KLK8: variants seen among roughly 807,000 people sequenced by gnomAD.
KLK8 encodes the protein kallikrein-8.
Under a neutral mutation model 26.7 loss-of-function variants are expected in KLK8, and 18 were observed. The ratio of observed to expected loss-of-function variants is 0.67; its 90% CI spans 0.47 to 1.00. The LOEUF is 1.00. Among genes scored for constraint, KLK8 ranks in the 50% least tolerant of loss-of-function variants. The pLI, the probability that KLK8 is intolerant of heterozygous loss-of-function variation, is 0.00. For synonymous variants in KLK8, 137 were observed against 127.1 expected, an observed-to-expected ratio of 1.08 and a Z score of -0.52; for missense variants, 301 against 331.7, an observed-to-expected ratio of 0.91 and a Z score of 0.72.
intron 5 of KLK8, 89 bp downstream of exon 4, chr19:50,999,907 C>T (rs1051199708): frequency 2.8e-6 from 4 of 1,406,064 alleles, no homozygotes; most frequent in African/African-American, 2.9e-5. Flanking sequence ...CTTTGTCTCC[C>T]TCTGGGGGAC....
chr19:50,999,583 CAAA>C (rs56988162), intron 5 of KLK8, among the ~76,000 whole-genome samples: 5 of 30,290 alleles, frequency 1.7e-4, no homozygotes, highest in African/African-American at 3.4e-4. Context: ...TGTCCCCCTG[CAAA>C]AAAAAAAAAA....
chr19:51,000,502 A>G (rs1397431034), exon 4 of KLK8: 1 of 1,614,036 alleles, frequency 6.2e-7, no homozygotes, highest in Admixed American at 1.7e-5. Flanking sequence ...CTGGCCCTGG[A>G]ACAAGGCCGC....
chr19:50,997,673 C>T, intron 6 of KLK8, 78 bp downstream of exon 5: 12 of 1,544,116 alleles, frequency 7.8e-6, no homozygotes, highest in Non-Finnish European at 1.1e-5. Context: ...CCCTTACCAC[C>T]CCCACCCCCA....
At chr19:51,001,260 C>T (rs2091222958) in intron 2 of KLK8, 85 bp from the exon 2 acceptor site, 1 of 1,166,428 alleles carries the variant, frequency 8.6e-7, no homozygotes. Flanking sequence ...GGGAGGCAGC[C>T]GAGAGTATCT....
chr19:51,000,682 G>A lies in KLK8; in HGVS notation c.71-99C>T, dbSNP rs111771104. 147 of 1,565,700 alleles carry A rather than the reference G, an allele frequency of 9.4e-5. No individual in the cohort carries two copies. The highest frequency in any genetic ancestry group is 9.1e-4 in the African/African-American group (67 of 73,966). On this transcript the variant is annotated intron_variant, in intron 3 of 6. Transcript: ENST00000600767. ...CAAATGGACACACGGCAAGTTCTCC[G>A]CATACAACTTAGTGAGGAGGTCCAG...
At position 50,996,804 on chromosome 19, in the gene KLK8, G is replaced by A. The variant is rs578002456; in HGVS notation, c.628-590C>T. Among the ~76,000 whole-genome samples, 22 of 151,616 alleles carry A rather than the reference G, an allele frequency of 1.5e-4. No homozygotes were observed. In the South Asian group the frequency reaches 4.6e-3, roughly 32 times the overall value. On this transcript the variant is annotated intron_variant, in intron 6 of 6. Transcript: ENST00000600767. Reference sequence around the variant, plus strand: ...CAGTAGGGATTACTTGGAGAGGACTGAGCTGAAGTTTCCTCTGTTCCTGGC... The same window carrying A: ...CAGTAGGGATTACTTGGAGAGGACTAAGCTGAAGTTTCCTCTGTTCCTGGC...
chr19:50,998,479 C>A (rs777801137), intron 5 of KLK8, among the ~76,000 whole-genome samples: 1 of 152,118 alleles, frequency 6.6e-6, no homozygotes. Context: ...GTATATCCAG[C>A]GCCTGCAACA....
chr19:51,000,120 A>T, exon 5 of KLK8: 1 of 1,614,064 alleles, frequency 6.2e-7, no homozygotes, highest in South Asian at 1.1e-5. Flanking sequence ...GCAGTTGAAG[A>T]AGCATCAGAT....
intron 6 of KLK8, among the ~76,000 whole-genome samples, 167 bp from the exon 6 acceptor site, chr19:50,996,381 T>C (rs932878154): frequency 2.0e-5 from 3 of 152,134 alleles, no homozygotes; most frequent in Non-Finnish European, 4.4e-5. Flanking sequence ...GGGGCTTCCA[T>C]GTACAGACAG....
chr19:50,997,758 G>T lies in KLK8; in HGVS notation c.620C>A (p.Thr207Lys), dbSNP rs774076468. 3.7e-6 allele frequency: 6 copies of T among 1,613,738 alleles called. No homozygotes were observed. In the African/African-American group the frequency reaches 8.0e-5, roughly 22 times the overall value. ...ATTTCAGAAATTGCTCACCTGGCAC[G>T]TGTCAGCCCCTTTGCTGCTGCCTGC... Residue 207 changes from threonine to lysine, a missense_variant, in exon 6 of 7, where the codon ACG (threonine) becomes AAG (lysine). Thr to Lys is a moderately conservative substitution (Grantham distance 78). Transcript: ENST00000600767.
chr19:51,000,752 G>T, intron 3 of KLK8, 169 bp from the exon 3 acceptor site: 1 of 1,516,438 alleles, frequency 6.6e-7, no homozygotes, highest in Non-Finnish European at 8.9e-7. Context: ...CAGTCCATGT[G>T]TCATCATACA....
chr19:50,999,500 A>ACC (rs1012807807), intron 5 of KLK8, among the ~76,000 whole-genome samples: 3 of 147,062 alleles, frequency 2.0e-5, no homozygotes, highest in Non-Finnish European at 4.5e-5. Flanking sequence ...AATCGCTTAA[A>ACC]CCCAGGAGGC....
chr19:51,000,943 C>G (rs1323216926), intron 3 of KLK8, among the ~76,000 whole-genome samples, 155 bp downstream of exon 2: 4 of 152,186 alleles, frequency 2.6e-5, no homozygotes, highest in Admixed American at 1.3e-4. Flanking sequence ...CTCTGTCCAC[C>G]CTGAGGAAAG....
chr19:50,999,596 A>AAAAAAAAAAG (rs2091201153), intron 5 of KLK8, among the ~76,000 whole-genome samples: 2 of 102,760 alleles, frequency 1.9e-5, no homozygotes, highest in Admixed American at 9.1e-5. Context: ...AAAAAAAAAA[A>AAAAAAAAAAG]AAAAAAAAAA....
chr19:51,000,336 A>G (rs1040425816), intron 4 of KLK8, 78 bp from the exon 4 acceptor site: 2 of 1,533,926 alleles, frequency 1.3e-6, no homozygotes, highest in Non-Finnish European at 1.8e-6. Flanking sequence ...CCAGGAGTCC[A>G]GTCCTCAGCT....
intron 5 of KLK8, 46 bp from the exon 5 acceptor site, chr19:50,997,930 G>A (rs2122317658): frequency 2.5e-6 from 4 of 1,609,784 alleles, no homozygotes; most frequent in Non-Finnish European, 3.4e-6. Context: ...GCAGCCCTTT[G>A]CCTCCATCCC....
chr19:50,998,975 T>A (rs1600123250), intron 5 of KLK8: 3 of 152,206 alleles, frequency 2.0e-5, no homozygotes, highest in Admixed American at 2.0e-4. Flanking sequence ...CACGTGTGTT[T>A]CCACAGCCGC....
At chr19:51,000,610 C>T (rs776181926) in intron 3 of KLK8, 27 bp from the exon 3 acceptor site, 11 of 1,612,868 alleles carry the variant, frequency 6.8e-6, no homozygotes, top group South Asian at 4.4e-5. Context: ...AGGGTTGGAT[C>T]GCCACCCTCT....
At chr19:51,001,562 T>G (rs1407306928) in exon 2 of KLK8, 1 of 188,470 alleles carries the variant, frequency 5.3e-6, no homozygotes, top group Non-Finnish European at 1.1e-5. Context: ...GGTCACCTAC[T>G]GATTCGGACC....
Sources: allele counts gnomAD v4.1 joint callset (sites outside exome capture counted in the v4.1 genomes callset), GRCh38; gene constraint gnomAD v4.1.1; transcripts MANE v1.5; gene names NCBI Gene and HGNC (gene_info 2026-07-23, HGNC 2026-07-21).